Variants in TNIK observed in about 807,000 individuals in gnomAD.
The protein encoded by TNIK is TRAF2 and NCK interacting kinase.
A neutral mutation model predicts 191.3 loss-of-function variants in TNIK; 49 were observed. That is an observed-to-expected ratio of 0.26 (90% CI 0.20 to 0.32). The LOEUF is 0.32. Among genes scored for constraint, TNIK ranks in the 10% least tolerant of loss-of-function variants. TNIK has a pLI of 1.00. For missense variants in TNIK, 1,155 were observed against 1,702.3 expected (o/e 0.68, Z 5.66); for synonymous variants, 594 against 600.9 (o/e 0.99, Z 0.17).
intron 17 of TNIK, among the ~76,000 whole-genome samples, chr3:171,124,485 CATTTT>C (rs1476089767): frequency 2.6e-5 from 4 of 152,102 alleles, no homozygotes; most frequent in Admixed American, 2.6e-4. Flanking sequence ...ATAAAACAGA[CATTTT>C]AAAATGAAAT....
At chr3:171,325,983 A>G (rs1755706172) in intron 2 of TNIK, among the ~76,000 whole-genome samples, 1 of 152,196 alleles carries the variant, frequency 6.6e-6, no homozygotes. Context: ...ATTCATAACA[A>G]CTGAGGTCCA....
chr3:171,240,696 A>G (rs1290361778), intron 2 of TNIK, among the ~76,000 whole-genome samples: 1 of 152,196 alleles, frequency 6.6e-6, no homozygotes, highest in Non-Finnish European at 1.5e-5. Flanking sequence ...TGAATGGGTC[A>G]AAGAGTCTCA....
At chr3:171,290,074 G>A (rs1237026769) in intron 2 of TNIK, among the ~76,000 whole-genome samples, 3 of 152,102 alleles carry the variant, frequency 2.0e-5, no homozygotes, top group Non-Finnish European at 4.4e-5. Flanking sequence ...TAGTAGGGTA[G>A]GTAATGTTTT....
chr3:171,073,459 T>C (rs578101106), intron 28 of TNIK, among the ~76,000 whole-genome samples: 1 of 152,242 alleles, frequency 6.6e-6, no homozygotes, highest in Admixed American at 6.5e-5. Context: ...GATATTGGCC[T>C]AGACAACATG....
At chr3:171,299,192 C>G (rs77575638) in intron 2 of TNIK, among the ~76,000 whole-genome samples, 5,852 of 152,200 alleles carry the variant, frequency 0.038, 352 homozygotes, top group African/African-American at 0.13. Flanking sequence ...AACCCCCTTC[C>G]CCTTAGGGCA....
chr3:171,288,265 A>G (rs1751256970), intron 2 of TNIK, among the ~76,000 whole-genome samples: 1 of 150,896 alleles, frequency 6.6e-6, no homozygotes, highest in South Asian at 2.1e-4. Flanking sequence ...ACATGTATAC[A>G]TATGTAACTA....
intron 21 of TNIK, among the ~76,000 whole-genome samples, chr3:171,103,672 CTTGTTA>C (rs958935039): frequency 4.2e-4 from 64 of 152,062 alleles, no homozygotes; most frequent in African/African-American, 1.5e-3. Flanking sequence ...TAAAATGTTA[CTTGTTA>C]TTAAGAATTA....
At chr3:171,400,709 A>G (rs916277198) in intron 1 of TNIK, among the ~76,000 whole-genome samples, 2 of 152,106 alleles carry the variant, frequency 1.3e-5, no homozygotes, top group African/African-American at 4.8e-5. Context: ...GCTGAAAAAT[A>G]TTTTTTGGAA....
At chr3:171,347,612 C>T (rs571664887) in intron 2 of TNIK, among the ~76,000 whole-genome samples, 12 of 152,212 alleles carry the variant, frequency 7.9e-5, no homozygotes, top group African/African-American at 2.6e-4. Flanking sequence ...TTGAATTTAG[C>T]GTACAATACC....
intron 12 of TNIK, among the ~76,000 whole-genome samples, chr3:171,156,456 C>A (rs532136851): frequency 6.6e-6 from 1 of 152,322 alleles, no homozygotes; most frequent in South Asian, 2.1e-4. Context: ...GAGAAGCAAG[C>A]TGGTGTTCGG....
chr3:171,409,124 C>T (rs1386229731), intron 1 of TNIK, among the ~76,000 whole-genome samples: 1 of 152,056 alleles, frequency 6.6e-6, no homozygotes, highest in Non-Finnish European at 1.5e-5. Flanking sequence ...TGCTCATACT[C>T]TTGGGTAAAA....
At chr3:171,203,009 C>A (rs1739602741) in intron 4 of TNIK, among the ~76,000 whole-genome samples, 1 of 152,030 alleles carries the variant, frequency 6.6e-6, no homozygotes, top group Admixed American at 6.6e-5. Context: ...TTAAAAGCCT[C>A]ATTTCTGATA....
chr3:171,290,515 T>G (rs1751565236), intron 2 of TNIK, among the ~76,000 whole-genome samples: 1 of 152,128 alleles, frequency 6.6e-6, no homozygotes, highest in South Asian at 2.1e-4. Context: ...AAATGGCAAT[T>G]ATTATTATAT....
At chr3:171,143,087 A>G (rs1425207954) in intron 12 of TNIK, among the ~76,000 whole-genome samples, 1 of 152,178 alleles carries the variant, frequency 6.6e-6, no homozygotes, top group Non-Finnish European at 1.5e-5. Context: ...TGAGAAAGAC[A>G]CTCAAAAGTA....
intron 2 of TNIK, among the ~76,000 whole-genome samples, chr3:171,255,279 T>C (rs145418655): frequency 3.1e-4 from 47 of 152,290 alleles, no homozygotes; most frequent in African/African-American, 1.1e-3. Flanking sequence ...CACATTCAAA[T>C]GAACCAAAAA....
intron 9 of TNIK, among the ~76,000 whole-genome samples, chr3:171,168,662 G>T (rs1734915124): frequency 6.6e-6 from 1 of 152,084 alleles, no homozygotes; most frequent in African/African-American, 2.4e-5. Flanking sequence ...AGCCTACTGT[G>T]CTTGGGGTTG....
chr3:171,110,911 TC>T (rs1332320781), intron 18 of TNIK, 34 bp from the exon 19 acceptor site: 20 of 1,534,922 alleles, frequency 1.3e-5, no homozygotes, highest in Non-Finnish European at 1.8e-5. Flanking sequence ...GGTTACACTC[TC>T]CAGACCTTGC....
chr3:171,219,076 T>TATATATTTTATATAAATATATAATTATAA (rs1741906321), intron 3 of TNIK, among the ~76,000 whole-genome samples: 6 of 129,016 alleles, frequency 4.7e-5, no homozygotes, highest in Non-Finnish European at 9.4e-5. Flanking sequence ...AATATATAAA[T>TATATATTTTATATAAATATATAATTATAA]ATATATTTTA....
At chr3:171,121,180 A>T (rs1727698677) in intron 18 of TNIK, among the ~76,000 whole-genome samples, 1 of 152,210 alleles carries the variant, frequency 6.6e-6, no homozygotes, top group African/African-American at 2.4e-5. Flanking sequence ...GCTTGGAAGC[A>T]CTGTAAAGGA....
Sources: allele counts gnomAD v4.1 joint callset (sites outside exome capture counted in the v4.1 genomes callset), GRCh38; gene constraint gnomAD v4.1.1; transcripts MANE v1.5; gene names NCBI Gene and HGNC (gene_info 2026-07-23, HGNC 2026-07-21).